Variants in ENOX1 observed in about 807,000 individuals in gnomAD.
The protein encoded by ENOX1 is ecto-NOX disulfide-thiol exchanger 1, also known as candidate growth-related and time keeping constitutive hydroquinone (NADH) oxidase.
A neutral mutation model predicts 82.5 loss-of-function variants in ENOX1; 42 were observed. That is an observed-to-expected ratio of 0.51 (90% confidence interval 0.40 to 0.66). The LOEUF (loss-of-function observed/expected upper bound fraction) is 0.66, where lower values mean the gene tolerates loss of function less well. Among genes scored for constraint, ENOX1 ranks in the 30% least tolerant of loss-of-function variants. ENOX1 has a pLI of 0.00. For synonymous variants in ENOX1, 271 were observed against 282.2 expected (o/e 0.96, Z 0.40); for missense variants, 608 against 811.6 (o/e 0.75, Z 3.05).
intron 2 of ENOX1, among the ~76,000 whole-genome samples, chr13:43,576,560 A>C (rs1475598597): frequency 6.6e-6 from 1 of 152,178 alleles, no homozygotes; most frequent in Non-Finnish European, 1.5e-5. Context: ...CAGATTTGAC[A>C]AACTTAGTAC....
intron 3 of ENOX1, among the ~76,000 whole-genome samples, chr13:43,481,378 T>C (rs1264765485): frequency 6.6e-6 from 1 of 152,094 alleles, no homozygotes; most frequent in Non-Finnish European, 1.5e-5. Flanking sequence ...GATCAAATTA[T>C]ATTCAACAAG....
intron 1 of ENOX1, among the ~76,000 whole-genome samples, chr13:43,723,010 T>C (rs993764628): frequency 6.6e-6 from 1 of 152,180 alleles, no homozygotes; most frequent in Non-Finnish European, 1.5e-5. Context: ...GTTTTCCTCC[T>C]AGGGCACCAA....
At chr13:43,285,715 G>C (rs935066945) in intron 12 of ENOX1, among the ~76,000 whole-genome samples, 2 of 142,082 alleles carry the variant, frequency 1.4e-5, no homozygotes, top group African/African-American at 5.2e-5. Context: ...TGAGGCAGGA[G>C]AATAGAATAG....
chr13:43,608,947 T>C (rs1012264743), intron 2 of ENOX1, among the ~76,000 whole-genome samples: 2 of 152,178 alleles, frequency 1.3e-5, no homozygotes, highest in Admixed American at 6.5e-5. Context: ...ATCACTTGAA[T>C]TTCTAAACCA....
chr13:43,781,884 AGT>A (rs1446403701), intron 1 of ENOX1, among the ~76,000 whole-genome samples: 2 of 152,204 alleles, frequency 1.3e-5, no homozygotes, highest in Non-Finnish European at 2.9e-5. Context: ...TGTACCTAAG[AGT>A]GAGAAAATAT....
At chr13:43,362,140 T>C (rs2050560405) in intron 5 of ENOX1, among the ~76,000 whole-genome samples, 1 of 142,262 alleles carries the variant, frequency 7.0e-6, no homozygotes, top group African/African-American at 2.6e-5. Flanking sequence ...CCTTTTGAAA[T>C]CTTTATGCCC....
chr13:43,583,013 A>G (rs1474767450), intron 2 of ENOX1, among the ~76,000 whole-genome samples: 2 of 152,006 alleles, frequency 1.3e-5, no homozygotes, highest in African/African-American at 2.4e-5. Context: ...AGACACACAC[A>G]CACGCACGCA....
chr13:43,368,478 G>A (rs1002447296), intron 5 of ENOX1, among the ~76,000 whole-genome samples: 4 of 152,212 alleles, frequency 2.6e-5, no homozygotes, highest in South Asian at 4.1e-4. Context: ...TGCATGGAGC[G>A]TGCACTTGAA....
intron 3 of ENOX1, among the ~76,000 whole-genome samples, chr13:43,440,752 A>G (rs1038753769): frequency 2.0e-5 from 3 of 152,324 alleles, no homozygotes; most frequent in Non-Finnish European, 4.4e-5. Flanking sequence ...AAATTTATAC[A>G]TATGTATAAA....
At chr13:43,331,219 T>C (rs1225041072) in intron 9 of ENOX1, among the ~76,000 whole-genome samples, 1 of 152,226 alleles carries the variant, frequency 6.6e-6, no homozygotes, top group Non-Finnish European at 1.5e-5. Context: ...TAGAGTCCTC[T>C]AGAGAACACG....
chr13:43,585,265 G>A (rs910128915), intron 2 of ENOX1, among the ~76,000 whole-genome samples: 1 of 152,184 alleles, frequency 6.6e-6, no homozygotes, highest in Non-Finnish European at 1.5e-5. Context: ...GCTAGAAGAG[G>A]AAAGAAAAGG....
chr13:43,450,823 CAGGAAGGTTT>C (rs1251436825), intron 3 of ENOX1, among the ~76,000 whole-genome samples: 1 of 152,036 alleles, frequency 6.6e-6, no homozygotes, highest in East Asian at 1.9e-4. Context: ...TCAGCTGACC[CAGGAAGGTTT>C]AGCATCCCAA....
At chr13:43,413,773 C>A (rs1404982567) in intron 3 of ENOX1, among the ~76,000 whole-genome samples, 1 of 146,816 alleles carries the variant, frequency 6.8e-6, no homozygotes, top group East Asian at 2.0e-4. Context: ...ATAAATATAA[C>A]AATTAAACAT....
intron 12 of ENOX1, among the ~76,000 whole-genome samples, chr13:43,271,670 C>A (rs1022535756): frequency 4.0e-5 from 6 of 151,584 alleles, no homozygotes; most frequent in Non-Finnish European, 1.5e-5. Context: ...TATTAAAACA[C>A]ACACACACAC....
At chr13:43,563,259 T>A (rs1310439215) in intron 2 of ENOX1, among the ~76,000 whole-genome samples, 1 of 152,074 alleles carries the variant, frequency 6.6e-6, no homozygotes, top group Non-Finnish European at 1.5e-5. Flanking sequence ...TACAAACACA[T>A]GGAAATTAAA....
intron 3 of ENOX1, among the ~76,000 whole-genome samples, chr13:43,453,575 T>C (rs1026546482): frequency 3.3e-5 from 5 of 151,984 alleles, no homozygotes; most frequent in African/African-American, 1.2e-4. Flanking sequence ...CAAATACCAG[T>C]GTAATATGGT....
chr13:43,466,177 G>T (rs1441828609), intron 3 of ENOX1, among the ~76,000 whole-genome samples: 1 of 151,766 alleles, frequency 6.6e-6, no homozygotes, highest in South Asian at 2.1e-4. Flanking sequence ...TTGATACCAG[G>T]TATAAGACAC....
chr13:43,554,248 C>T lies in ENOX1; in HGVS notation c.-218-70096G>A, dbSNP rs577530434. 1.4e-4 allele frequency among the ~76,000 whole-genome samples: 21 copies of T among 152,270 alleles called. No homozygotes were observed. In the South Asian group the frequency reaches 4.1e-3, roughly 30 times the overall value. ...GCAGGTATACATGAGAATCCATGTA[C>T]ACATTGAATCAGAAGGAAAGACTAT... On this transcript the variant is annotated intron_variant, in intron 2 of 16. Coordinates refer to ENST00000690772, the MANE Select transcript of ENOX1 (RefSeq NM_001347969.2).
chr13:43,241,228 A>C (rs2153461811), intron 14 of ENOX1, among the ~76,000 whole-genome samples: 1 of 152,354 alleles, frequency 6.6e-6, no homozygotes, highest in East Asian at 1.9e-4. Context: ...CCTTATCAGA[A>C]TGGGAAAGTT....
Sources: allele counts gnomAD v4.1 joint callset (sites outside exome capture counted in the v4.1 genomes callset), GRCh38; gene constraint gnomAD v4.1.1; transcripts MANE v1.5; gene names NCBI Gene and HGNC (gene_info 2026-07-23, HGNC 2026-07-21).